The following BCORL1 variants were observed in gnomAD, a reference collection of about 807,000 sequenced individuals.
BCORL1 encodes BCL6 corepressor like 1.
A neutral mutation model predicts 87.6 loss-of-function variants in BCORL1; 7 were observed. The ratio of observed to expected loss-of-function variants is 0.08; its 90% CI spans 0.05 to 0.15. The LOEUF (loss-of-function observed/expected upper bound fraction) is 0.15. BCORL1 is among the 10% of genes least tolerant of loss of function. The pLI is 1.00. For missense variants in BCORL1, 1,215 were observed against 1,499.7 expected, an observed-to-expected ratio of 0.81 and a Z score of 3.13; for synonymous variants, 591 against 634.4, an observed-to-expected ratio of 0.93 and a Z score of 1.03.
chrX:129,989,435 C>T (rs1335637210), intron 1 of BCORL1, among the ~76,000 whole-genome samples: 4 of 89,757 alleles, frequency 4.5e-5, no homozygotes, highest in Admixed American at 1.3e-4. Context: ...CGTGAGCCAC[C>T]GCACCCGTCT....
intron 8 of BCORL1, among the ~76,000 whole-genome samples, chrX:130,029,720 G>A (rs1303460842): frequency 2.8e-5 from 3 of 107,224 alleles, no homozygotes; most frequent in Non-Finnish European, 5.8e-5. Flanking sequence ...GCACGATCTC[G>A]GCTCACTGTA....
Position 130,056,141 on chromosome X carries a change from G to A in BCORL1, c.*5G>A. 1 of 1,159,463 alleles carries A rather than the reference G, an allele frequency of 8.6e-7. No homozygotes were observed. ...TTCCAGTCTTGCAACAGTTGACCGGGAAAACAGCCCCTCCTCTTCTTTCTC... is the reference window on the plus strand; with the variant it reads ...TTCCAGTCTTGCAACAGTTGACCGGAAAAACAGCCCCTCCTCTTCTTTCTC... On this transcript the variant is annotated 3_prime_UTR_variant, in exon 14 of 14. Coordinates refer to ENST00000540052, the MANE Select transcript of BCORL1 (RefSeq NM_001379451.1).
chrX:129,985,574 G>A, intron 1 of BCORL1, among the ~76,000 whole-genome samples: 1 of 112,082 alleles, frequency 8.9e-6, no homozygotes, highest in East Asian at 2.8e-4. Flanking sequence ...CGAAAAGTTA[G>A]TAGCAAAGAT....
chrX:130,010,303 C>T (rs1928844961), intron 2 of BCORL1, among the ~76,000 whole-genome samples: 3 of 112,006 alleles, frequency 2.7e-5, no homozygotes, highest in Non-Finnish European at 3.8e-5. Flanking sequence ...CCCCTAAAAC[C>T]GTCCCTGGCA....
intron 1 of BCORL1, among the ~76,000 whole-genome samples, chrX:129,998,884 G>A (rs956804512): frequency 2.7e-5 from 3 of 111,241 alleles, no homozygotes; most frequent in Non-Finnish European, 5.7e-5. Flanking sequence ...AGGAAGTGGC[G>A]CTCCTGGGAC....
At chrX:130,055,726 T>C in intron 13 of BCORL1, 128 bp from the exon 14 acceptor site, 2 of 740,115 alleles carry the variant, frequency 2.7e-6, no homozygotes, top group South Asian at 2.6e-5. Flanking sequence ...GGAGCCAGAC[T>C]GGCAGTGAGT....
intron 1 of BCORL1, among the ~76,000 whole-genome samples, chrX:129,997,453 T>G (rs944913163): frequency 9.0e-6 from 1 of 111,300 alleles, no homozygotes; most frequent in African/African-American, 3.3e-5. Context: ...ATGGTTTCTC[T>G]TCCACTACCC....
intron 4 of BCORL1, among the ~76,000 whole-genome samples, chrX:130,018,497 G>C (rs1929591715): frequency 8.9e-6 from 1 of 112,676 alleles, no homozygotes; most frequent in Admixed American, 9.4e-5. Context: ...CAGTAAAGCT[G>C]TCATTTTAAA....
chrX:130,018,427 A>G (rs1929587492), intron 4 of BCORL1, among the ~76,000 whole-genome samples: 1 of 112,301 alleles, frequency 8.9e-6, no homozygotes, highest in Admixed American at 9.5e-5. Context: ...TGACTATACT[A>G]AAAACAATTG....
At position 130,039,288 on chromosome X, in the gene BCORL1, C is replaced by T; in HGVS notation, c.4840+6C>T. 8.3e-7 allele frequency: 1 copy of T among 1,207,893 alleles called. No homozygotes were observed. Among genetic ancestry groups the T allele is most frequent in the Non-Finnish European group, 1.1e-6 (1 of 895,207 alleles). ...CATGAAGCGCTTTCTCAGTGGTAAG[C>T]ATGGTCCAGACTTGACACTGTTGTC... On this transcript the variant is annotated splice_donor_region_variant and intron_variant, in intron 11 of 13. Coordinates refer to ENST00000540052, the MANE Select transcript of BCORL1 (RefSeq NM_001379451.1).
chrX:130,050,276 G>GA (rs1219868566), intron 11 of BCORL1, among the ~76,000 whole-genome samples: 1 of 106,067 alleles, frequency 9.4e-6, no homozygotes, highest in African/African-American at 3.4e-5. Flanking sequence ...TTACAAAAAT[G>GA]AAAAAAAAAG....
intron 6 of BCORL1, among the ~76,000 whole-genome samples, chrX:130,024,754 A>T (rs908198937): frequency 9.0e-6 from 1 of 111,491 alleles, no homozygotes; most frequent in African/African-American, 3.3e-5. Flanking sequence ...TATGCGTGAA[A>T]AATCTTATTT....
intron 9 of BCORL1, 33 bp downstream of exon 9, chrX:130,034,709 G>A (rs751056023): frequency 7.6e-6 from 7 of 925,008 alleles, no homozygotes; most frequent in African/African-American, 4.0e-5. Flanking sequence ...ACAGGGCGCC[G>A]TTGGTCTGAG....
intron 1 of BCORL1, among the ~76,000 whole-genome samples, chrX:129,999,689 C>G (rs781391389): frequency 3.9e-5 from 4 of 102,656 alleles, no homozygotes; most frequent in Non-Finnish European, 6.0e-5. Flanking sequence ...CTTTTTCCCC[C>G]CCCCCAGACA....
Position 130,056,611 on chromosome X carries a change from G to A in BCORL1, c.*475G>A, listed in dbSNP as rs1932405922. The A allele has an allele frequency of 8.7e-6, 1 of 115,000 alleles. No individual in the cohort carries two copies. The highest frequency in any genetic ancestry group is 3.2e-5 in the African/African-American group (1 of 31,064). The allele number at this position is 115,000 out of a possible 1,213,427, so 9.5% of individuals were successfully genotyped here. ...AGTATTTAATTTGTATTGTTTCATT[G>A]GTTTCTGATAAGTCTGTATCACTGT... On this transcript the variant is annotated 3_prime_UTR_variant, in exon 14 of 14. Transcript: ENST00000540052.
intron 11 of BCORL1, among the ~76,000 whole-genome samples, chrX:130,041,278 CA>C (rs56172113): frequency 8.6e-3 from 292 of 33,760 alleles, no homozygotes; most frequent in Middle Eastern, 0.033. Flanking sequence ...GACAGTGTCT[CA>C]AAAAAAAAAA....
upstream of BCORL1, among the ~76,000 whole-genome samples, chrX:129,982,209 G>C (rs1429369082): frequency 3.6e-5 from 4 of 110,835 alleles, no homozygotes; most frequent in Non-Finnish European, 7.6e-5. Flanking sequence ...AGGTGGGGGG[G>C]GACGTGGGGC....
rs201843717 is a variant in BCORL1 at position 130,015,441 on chromosome X, G to A, written c.2669G>A (p.Arg890Gln). ...CACGGACTTCCTGAGGGGCAACCACGGCCTGGGGGCTCCTTCGTTCCAGAG... is the reference window on the plus strand; with the variant it reads ...CACGGACTTCCTGAGGGGCAACCACAGCCTGGGGGCTCCTTCGTTCCAGAG... ...AVHGLPEGQP[R>Q]PGGSFVPEQD... Residue 890 changes from arginine to glutamine, a missense_variant, in exon 4 of 14, where the codon CGG becomes CAG. Physicochemically the swap from Arg to Gln is conservative, Grantham distance 43 (BLOSUM62 1). Transcript: ENST00000540052. The A allele has an allele frequency of 3.6e-4, 434 of 1,211,004 alleles. No homozygotes were observed. The highest frequency in any genetic ancestry group is 1.1e-3 in the East Asian group (38 of 33,785).
intron 1 of BCORL1, among the ~76,000 whole-genome samples, chrX:130,003,520 G>T (rs1482874998): frequency 9.1e-6 from 1 of 109,892 alleles, no homozygotes; most frequent in Non-Finnish European, 1.9e-5. Flanking sequence ...TTACAGGCAT[G>T]TGCTACCACG....
Sources: allele counts gnomAD v4.1 joint callset (sites outside exome capture counted in the v4.1 genomes callset), GRCh38; gene constraint gnomAD v4.1.1; transcripts MANE v1.5; gene names NCBI Gene and HGNC (gene_info 2026-07-23, HGNC 2026-07-21).